Variants in USP20 observed in about 807,000 individuals in gnomAD.
USP20 encodes ubiquitin carboxyl-terminal hydrolase 20.
USP20 carries 80 observed loss-of-function variants against 124.2 expected under a neutral mutation model. That is an observed-to-expected ratio of 0.64 (90% confidence interval 0.54 to 0.78). The LOEUF (loss-of-function observed/expected upper bound fraction) is 0.78, where lower values mean the gene tolerates loss of function less well. Ranked by LOEUF, USP20 falls within the 30% of genes least tolerant of loss-of-function variation. USP20 has a pLI of 0.00. For synonymous variants in USP20, 481 were observed against 512.3 expected, an observed-to-expected ratio of 0.94 and a Z score of 0.83; for missense variants, 1,043 against 1,244.4, an observed-to-expected ratio of 0.84 and a Z score of 2.44.
At chr9:129,861,811 G>C (rs2033564851) in intron 8 of USP20, among the ~76,000 whole-genome samples, 199 bp downstream of exon 8, 1 of 152,210 alleles carries the variant, frequency 6.6e-6, no homozygotes, top group South Asian at 2.1e-4. Context: ...AGATGCTGGG[G>C]AAGTTGTACG....
chr9:129,837,115 A>G (rs2031902185), intron 1 of USP20, among the ~76,000 whole-genome samples: 1 of 152,176 alleles, frequency 6.6e-6, no homozygotes, highest in Admixed American at 6.5e-5. Context: ...GATCTAATTG[A>G]GTGCTCTTTA....
chr9:129,875,618 C>G lies in USP20; in HGVS notation c.2277C>G (p.Asn759Lys), dbSNP rs775421996. ...IDDLVVILPQ[N>K]VWEHLYNRFG... The stretch of plus-strand genomic sequence containing the variant: ...ACCTGGTGGTCATCCTGCCCCAGAA[C>G]GTCTGGGAGCACCTGTACAACAGGT... The change falls in exon 21 of 26, where the codon AAC becomes AAG. Residue 759 changes from asparagine (N) to lysine (K), a missense_variant. Physicochemically the swap from Asn to Lys is moderately conservative, Grantham distance 94. Transcript: ENST00000372429. 3 of 1,613,912 alleles carry G rather than the reference C, an allele frequency of 1.9e-6. No individual in the cohort carries two copies. The highest frequency in any genetic ancestry group is 1.1e-5 in the South Asian group (1 of 91,088).
intron 8 of USP20, 129 bp downstream of exon 8, chr9:129,861,741 A>G: frequency 3.8e-6 from 3 of 782,290 alleles, no homozygotes; most frequent in Non-Finnish European, 6.4e-6. Context: ...GCCTGAAAGC[A>G]TGTATACCCT....
Position 129,845,268 on chromosome 9 carries a change from G to T in USP20, c.-128-4545G>T, listed in dbSNP as rs140426523. Among the ~76,000 whole-genome samples, 399 of 152,150 alleles carry T rather than the reference G, an allele frequency of 2.6e-3. 2 individuals are homozygous for T. Among genetic ancestry groups the T allele is most frequent in the African/African-American group, 9.2e-3 (381 of 41,526 alleles). On this transcript the variant is annotated intron_variant, in intron 1 of 25. Transcript: ENST00000372429. Reference sequence around the variant, plus strand: ...GCACAGGGGCCTGGAGAGCTCCAGGGAACAGAGGCTCTGTCCCCTATGGTG... The same window carrying T: ...GCACAGGGGCCTGGAGAGCTCCAGGTAACAGAGGCTCTGTCCCCTATGGTG...
intron 15 of USP20, among the ~76,000 whole-genome samples, chr9:129,871,166 G>C (rs1351595502): frequency 6.6e-6 from 1 of 152,052 alleles, no homozygotes; most frequent in African/African-American, 2.4e-5. Flanking sequence ...CAGTATCCGT[G>C]AAACAGCTCC....
chr9:129,852,557 TG>T lies in USP20; in HGVS notation c.7del (p.Asp3?). 4 of 1,594,682 alleles carry T rather than the reference TG, an allele frequency of 2.5e-6. No homozygotes were observed. Among genetic ancestry groups the T allele is most frequent in the Non-Finnish European group, 3.4e-6 (4 of 1,169,738 alleles). On this transcript the variant is annotated frameshift_variant and start_lost, in exon 3 of 26. Transcript: ENST00000372429. LOFTEE classifies it high-confidence loss of function. ...TCTCATAGGTGAGCCCAGGCCAGGA[TG>T]GGGGACTCCAGGGACCTTTGCCCTC... is the stretch of plus-strand genomic sequence containing the variant. [M>X]GDSRDLCPHL...
In USP20 at chr9:129,879,493, C is replaced by A; in HGVS notation, c.2513-80C>A. The A allele has an allele frequency of 6.6e-7, 1 of 1,503,820 alleles. No individual in the cohort carries two copies. The highest frequency in any genetic ancestry group is 9.2e-7 in the Non-Finnish European group (1 of 1,086,558). The allele number at this position is 1,503,820 out of a possible 1,614,324, so 93.2% of individuals were successfully genotyped here. A position where few individuals can be genotyped will look rare whatever the true frequency, so the allele number is the denominator to read the frequency against. On this transcript the variant is annotated intron_variant, in intron 23 of 25. Coordinates refer to ENST00000372429, the MANE Select transcript of USP20 (RefSeq NM_001110303.4). The surrounding 1 kb of genome is among the most constrained non-coding windows in gnomAD (Gnocchi z 4.2). ...CGCTGACCCCCAGGCCTGGGGCGGC[C>A]CCACTTGGGATGGCTCTGCTGCTGT...
At chr9:129,865,447 A>C in intron 10 of USP20, 66 bp downstream of exon 10, 1 of 1,549,246 alleles carries the variant, frequency 6.5e-7, no homozygotes, top group Non-Finnish European at 8.9e-7. Context: ...CTTTGACGCC[A>C]AAACCAGAGT....
At chr9:129,842,555 G>A (rs1283427119) in intron 1 of USP20, among the ~76,000 whole-genome samples, 1 of 151,628 alleles carries the variant, frequency 6.6e-6, no homozygotes, top group Non-Finnish European at 1.5e-5. Context: ...CCCTCTTGTC[G>A]ACCCCCATGC....
At chr9:129,840,109 C>T (rs1345397255) in intron 1 of USP20, among the ~76,000 whole-genome samples, 1 of 145,650 alleles carries the variant, frequency 6.9e-6, no homozygotes, top group African/African-American at 2.4e-5. Context: ...ACACGCTGCA[C>T]CTTGCTGACT....
chr9:129,869,757 A>T lies in USP20; in HGVS notation c.1478A>T (p.Tyr493Phe). The T allele has an allele frequency of 6.2e-7, 1 of 1,614,046 alleles. No homozygotes were observed. Among genetic ancestry groups the T allele is most frequent in the Non-Finnish European group, 8.5e-7 (1 of 1,180,024 alleles). The change falls in exon 14 of 26, where the codon TAC becomes TTC. Residue 493 changes from tyrosine to phenylalanine, a missense_variant. By Grantham distance (22) the Tyr-to-Phe change is conservative. Transcript: ENST00000372429. The part of the protein sequence containing the change: ...EDLAKLHSAI[Y>F]QNVPAKPGAC... ...CTGGCCAAGCTCCATTCAGCCATCT[A>T]CCAGAATGTGCCGGCCAAGCCAGGC... is the stretch of plus-strand genomic sequence containing the variant.
At chr9:129,853,440 C>A (rs1396280634) in intron 3 of USP20, among the ~76,000 whole-genome samples, 1 of 152,194 alleles carries the variant, frequency 6.6e-6, no homozygotes, top group Non-Finnish European at 1.5e-5. Context: ...CCCTTTGCAG[C>A]CTCTTGCCGA....
intron 6 of USP20, 39 bp from the exon 7 acceptor site, chr9:129,860,898 T>C (rs751461413): frequency 1.9e-5 from 31 of 1,603,890 alleles, no homozygotes; most frequent in Non-Finnish European, 2.6e-5. Context: ...CCCCAGCCCC[T>C]CTGTTCACTG....
chr9:129,848,509 C>T (rs2417149), intron 1 of USP20, among the ~76,000 whole-genome samples: 21,824 of 149,480 alleles, frequency 0.15, 2,067 homozygotes, highest in African/African-American at 0.26. Flanking sequence ...TTAAATTAGC[C>T]GGGCATGGTG....
intron 1 of USP20, among the ~76,000 whole-genome samples, chr9:129,846,243 A>ATTTTTTTTTT (rs1270846866): frequency 8.3e-5 from 3 of 36,024 alleles, no homozygotes; most frequent in Admixed American, 9.6e-4. Context: ...ATATATATAT[A>ATTTTTTTTTT]TATATTTTTT....
chr9:129,844,844 A>T (rs2032446964), intron 1 of USP20, among the ~76,000 whole-genome samples: 1 of 151,972 alleles, frequency 6.6e-6, no homozygotes, highest in Admixed American at 6.6e-5. Context: ...AAGTAGGAGA[A>T]GATGAAAAAT....
chr9:129,861,542 G>T lies in USP20; in HGVS notation c.428-1G>T. On this transcript the variant is annotated splice_acceptor_variant, in intron 7 of 25. Coordinates refer to ENST00000372429, the MANE Select transcript of USP20 (RefSeq NM_001110303.4). LOFTEE classifies it high-confidence loss of function. ...TCCTCCCCGTTGTGTTTATTTCCCA[G>T]GCCTCACGGGCATGAAGAACCTCGG... 6.2e-7 allele frequency: 1 copy of T among 1,614,086 alleles called. No homozygotes were observed. Among genetic ancestry groups the T allele is most frequent in the Non-Finnish European group, 8.5e-7 (1 of 1,180,002 alleles).
chr9:129,852,941 G>A (rs1203336854), intron 3 of USP20, among the ~76,000 whole-genome samples: 1 of 152,196 alleles, frequency 6.6e-6, no homozygotes, highest in Non-Finnish European at 1.5e-5. Flanking sequence ...AAGTTCAGGA[G>A]CGTTTTTACA....
chr9:129,875,164 G>T, intron 19 of USP20, 146 bp from the exon 20 acceptor site: 1 of 1,231,130 alleles, frequency 8.1e-7, no homozygotes, highest in Non-Finnish European at 1.1e-6. Context: ...CGGCACAGGG[G>T]GCTGCTCACA....
Sources: gnomAD v4.1 joint callset for allele counts (sites outside exome capture counted in the v4.1 genomes callset) on GRCh38, gnomAD v4.1.1 for gene constraint, Gnocchi (gnomAD v3.1) non-coding constraint, MANE v1.5 for transcripts, NCBI Gene and HGNC (gene_info 2026-07-23, HGNC 2026-07-21) for gene names.